Variants in ZWILCH observed in about 807,000 individuals in gnomAD.
ZWILCH encodes the protein protein zwilch homolog.
Under a neutral mutation model 79.9 loss-of-function variants are expected in ZWILCH, and 74 were observed. The ratio of observed to expected loss-of-function variants is 0.93; its 90% CI spans 0.77 to 1.12. The LOEUF is 1.12. Ranked by LOEUF, ZWILCH falls within the 50% of genes most tolerant of loss-of-function variation. ZWILCH has a pLI of 0.00. For synonymous variants in ZWILCH, 241 were observed against 228.2 expected (o/e 1.06, Z -0.51); for missense variants, 694 against 687.5 (o/e 1.01, Z -0.11).
At chr15:66,514,218 T>G in intron 3 of ZWILCH, 135 bp downstream of exon 3, 5 of 546,694 alleles carry the variant, frequency 9.1e-6, no homozygotes, top group Non-Finnish European at 1.6e-5. Context: ...GTAAGTGTAG[T>G]GCTGTCCAGT....
rs1332182552 is a variant in ZWILCH, at chr15:66,537,206, A to G, written c.1517A>G (p.Glu506Gly). 1 of 1,613,550 alleles carries G rather than the reference A, an allele frequency of 6.2e-7. No individual in the cohort carries two copies. Among genetic ancestry groups the G allele is most frequent in the South Asian group, 1.1e-5 (1 of 91,048 alleles). The change falls in exon 16 of 19, where the codon GAG becomes GGG. Residue 506 changes from glutamate (E) to glycine (G), a missense_variant. Physicochemically the swap from Glu to Gly is moderately conservative, Grantham distance 98. Transcript: ENST00000307897. ...IKYYKQNPLD[E>G]QHIFQLPVRP... ...TATTACAAACAAAATCCTCTTGATG[A>G]GCAACACATTTTTCAGCTGCCAGTC...
chr15:66,511,569 C>T (rs970066136), intron 2 of ZWILCH, among the ~76,000 whole-genome samples: 1 of 151,308 alleles, frequency 6.6e-6, no homozygotes, highest in Non-Finnish European at 1.5e-5. Flanking sequence ...ACAGTAAGAT[C>T]TTATGTTTCA....
rs760123282 is a variant in ZWILCH, at chr15:66,537,204, T to C, written c.1515T>C (p.Asp505=). The C allele has an allele frequency of 2.5e-6, 4 of 1,613,638 alleles. No homozygotes were observed. The South Asian group carries it at 4.4e-5, about 18-fold the overall frequency. Residue 505 remains aspartate (D), a synonymous_variant, in exon 16 of 19, where the codon GAT becomes GAC. Coordinates refer to ENST00000307897, the MANE Select transcript of ZWILCH (RefSeq NM_017975.5). The stretch of plus-strand genomic sequence containing the variant: ...AGTATTACAAACAAAATCCTCTTGA[T>C]GAGCAACACATTTTTCAGCTGCCAG... The part of the protein sequence containing the change: ...CIKYYKQNPL[D]EQHIFQLPVR...
chr15:66,523,591 A>T lies in ZWILCH; in HGVS notation c.748-86A>T, dbSNP rs979967611. On this transcript the variant is annotated intron_variant, in intron 7 of 18. Transcript: ENST00000307897. ...ATGAAATATATTTTTTAATGTGTGA[A>T]AGATAGTTTGAAATGCAAGTATAAC... 4.8e-6 allele frequency: 4 copies of T among 827,224 alleles called. No individual in the cohort carries two copies. The African/African-American group carries it at 6.8e-5, about 14-fold the overall frequency. The allele number at this position is 827,224 out of a possible 1,614,324, so 51.2% of individuals were successfully genotyped here.
rs201291353 is a variant in ZWILCH at position 66,533,022 on chromosome 15, A to T, written c.1341+9A>T. 19 of 1,571,024 alleles carry T rather than the reference A, an allele frequency of 1.2e-5. No individual in the cohort carries two copies. In the East Asian group the frequency reaches 2.5e-4, roughly 21 times the overall value. Reference sequence around the variant, plus strand: ...CATCTTTGAATCATTTGGTGAGTTTATTTTTTTATTCTAAAATTGGTTTTT... The same window carrying T: ...CATCTTTGAATCATTTGGTGAGTTTTTTTTTTTATTCTAAAATTGGTTTTT... On this transcript the variant is annotated intron_variant, in intron 14 of 18. Coordinates refer to ENST00000307897, the MANE Select transcript of ZWILCH (RefSeq NM_017975.5).
At chr15:66,538,583 A>G (rs1895090623) in intron 16 of ZWILCH, among the ~76,000 whole-genome samples, 1 of 152,004 alleles carries the variant, frequency 6.6e-6, no homozygotes, top group African/African-American at 2.4e-5. Context: ...GTGTTTCACC[A>G]TGTTGGCCAG....
chr15:66,529,284 A>G (rs1192833713), intron 11 of ZWILCH, among the ~76,000 whole-genome samples: 2 of 152,116 alleles, frequency 1.3e-5, no homozygotes, highest in East Asian at 3.8e-4. Context: ...TTTACTAAGC[A>G]TATTATTTTT....
At chr15:66,524,907 G>C (rs1894619959) in intron 8 of ZWILCH, among the ~76,000 whole-genome samples, 1 of 151,912 alleles carries the variant, frequency 6.6e-6, no homozygotes, top group Non-Finnish European at 1.5e-5. Context: ...TTCTCTCTCT[G>C]CACCCCTGCA....
chr15:66,536,162 A>T, intron 15 of ZWILCH, 93 bp downstream of exon 15: 1 of 1,128,908 alleles, frequency 8.9e-7, no homozygotes, highest in Non-Finnish European at 1.2e-6. Flanking sequence ...ACCAGTTAGG[A>T]TAGAACCTCT....
In ZWILCH at chr15:66,533,033, C is replaced by A; in HGVS notation, c.1341+20C>A. 6.4e-7 allele frequency: 1 copy of A among 1,557,000 alleles called. No individual in the cohort carries two copies. The highest frequency in any genetic ancestry group is 8.7e-7 in the Non-Finnish European group (1 of 1,143,416). On this transcript the variant is annotated intron_variant, in intron 14 of 18. Transcript: ENST00000307897. ...CATTTGGTGAGTTTATTTTTTTATT[C>A]TAAAATTGGTTTTTCTTTTATTCAG...
At chr15:66,529,025 T>C (rs1894778584) in intron 11 of ZWILCH, 68 bp downstream of exon 11, 1 of 1,250,782 alleles carries the variant, frequency 8.0e-7, no homozygotes, top group South Asian at 1.3e-5. Flanking sequence ...CTTTTGGAAA[T>C]AATACAGTGT....
chr15:66,530,326 G>A (rs1894817957), intron 12 of ZWILCH, among the ~76,000 whole-genome samples: 1 of 152,158 alleles, frequency 6.6e-6, no homozygotes, highest in Admixed American at 6.5e-5. Context: ...AGTCACCTCT[G>A]GTGGAAGGGT....
At chr15:66,525,458 A>T (rs995397721) in intron 8 of ZWILCH, among the ~76,000 whole-genome samples, 1 of 152,148 alleles carries the variant, frequency 6.6e-6, no homozygotes, top group Non-Finnish European at 1.5e-5. Context: ...TTTATTCCAC[A>T]TATACCTTGC....
chr15:66,522,162 C>T (rs972701289), intron 7 of ZWILCH, among the ~76,000 whole-genome samples: 1 of 151,736 alleles, frequency 6.6e-6, no homozygotes, highest in South Asian at 2.1e-4. Context: ...TGTGCCACTG[C>T]GCTCCAGCCT....
intron 18 of ZWILCH, 122 bp downstream of exon 18, chr15:66,546,827 C>T: frequency 2.4e-6 from 1 of 418,134 alleles, no homozygotes; most frequent in Non-Finnish European, 4.2e-6. Context: ...TTAGTAATCA[C>T]ATAAAAGGCT....
At chr15:66,548,310 TA>T (rs902775017) in intron 18 of ZWILCH, 40 bp from the exon 19 acceptor site, 43 of 408,252 alleles carry the variant, frequency 1.1e-4, no homozygotes, top group Middle Eastern at 6.7e-4. Context: ...TTTTTTTTTT[TA>T]ATTTCTGCTT....
intron 7 of ZWILCH, 84 bp downstream of exon 7, chr15:66,521,289 C>G: frequency 4.7e-6 from 7 of 1,494,110 alleles, no homozygotes; most frequent in South Asian, 1.2e-5. Flanking sequence ...CTCCATGCCT[C>G]TAGCCTTGGC....
chr15:66,536,835 C>T (rs1306871605), intron 15 of ZWILCH, among the ~76,000 whole-genome samples: 1 of 151,914 alleles, frequency 6.6e-6, no homozygotes, highest in East Asian at 1.9e-4. Flanking sequence ...TTCTCTTCTG[C>T]CTCTTTTTTT....
chr15:66,518,855 T>C (rs1894384551), intron 4 of ZWILCH, 24 bp from the exon 5 acceptor site: 1 of 1,597,550 alleles, frequency 6.3e-7, no homozygotes, highest in Non-Finnish European at 8.6e-7. Context: ...CTATCTATAA[T>C]TTGTCCTTAC....
Sources: allele counts gnomAD v4.1 joint callset (sites outside exome capture counted in the v4.1 genomes callset), GRCh38; gene constraint gnomAD v4.1.1; transcripts MANE v1.5; gene names NCBI Gene and HGNC (gene_info 2026-07-23, HGNC 2026-07-21).